DDX19B: variants seen among roughly 807,000 people sequenced by gnomAD.
DDX19B encodes the protein DEAD-box helicase 19B.
A neutral mutation model predicts 58.1 loss-of-function variants in DDX19B; 27 were observed. The ratio of observed to expected loss-of-function variants is 0.46; its 90% CI spans 0.34 to 0.64. The LOEUF (loss-of-function observed/expected upper bound fraction) is 0.64, where lower values mean the gene tolerates loss of function less well. Among genes scored for constraint, DDX19B ranks in the 30% least tolerant of loss-of-function variants. The probability of loss-of-function intolerance (pLI) is 0.01; values close to 1 mark genes in which losing one functional copy is unlikely to be tolerated. For synonymous variants in DDX19B, 187 were observed against 214.4 expected, an observed-to-expected ratio of 0.87 and a Z score of 1.12; for missense variants, 399 against 596.5, an observed-to-expected ratio of 0.67 and a Z score of 3.45.
chr16:70,317,042 T>G (rs767129917), intron 4 of DDX19B, among the ~76,000 whole-genome samples: 10 of 151,584 alleles, frequency 6.6e-5, no homozygotes, highest in Admixed American at 1.3e-4. Context: ...CCATCTCTAC[T>G]AAAAATACAA....
intron 7 of DDX19B, among the ~76,000 whole-genome samples, chr16:70,328,450 C>T (rs927343399): frequency 6.7e-6 from 1 of 149,946 alleles, no homozygotes; most frequent in Non-Finnish European, 1.5e-5. Context: ...GCAACCTCCG[C>T]CTCCTGGGTT....
intron 8 of DDX19B, 129 bp from the exon 9 acceptor site, chr16:70,329,702 C>G: frequency 7.4e-7 from 1 of 1,344,148 alleles, no homozygotes; most frequent in East Asian, 2.4e-5. Context: ...AGGCCTGCTG[C>G]TCCTCCTCCC....
At position 70,334,623 on chromosome 16, in the gene DDX19B, C is replaced by A. The variant is rs1334910633; in HGVS notation, c.*1041C>A. The stretch of plus-strand genomic sequence containing the variant: ...TATTTGACATCTTGATTATAAAGGG[C>A]TTCTGAACATCTGTGTTTACTGCCT... On this transcript the variant is annotated 3_prime_UTR_variant, in exon 12 of 12. Coordinates refer to ENST00000288071, the MANE Select transcript of DDX19B (RefSeq NM_007242.7). 6.6e-6 allele frequency: 1 copy of A among 152,154 alleles called. No homozygotes were observed. Among genetic ancestry groups the A allele is most frequent in the Non-Finnish European group, 1.5e-5 (1 of 68,040 alleles). The allele number at this position is 152,154 out of a possible 1,614,324, so 9.4% of individuals were successfully genotyped here.
chr16:70,317,774 C>CA (rs376880284), intron 5 of DDX19B, 186 bp downstream of exon 5: 31,391 of 284,050 alleles, frequency 0.11, 34 homozygotes, highest in South Asian at 0.17. Context: ...CCTGTCTCAA[C>CA]AAAAAAAAAA....
Position 70,299,345 on chromosome 16 carries a change from G to C in DDX19B, c.48G>C (p.Ala16=), listed in dbSNP as rs568610006. ...TGGCGGTGGACGAGCAGGAAGCTGC[G>C]GCTGAGTCGGTGAGTTGGCTTCAGC... is the stretch of plus-strand genomic sequence containing the variant. The part of the protein sequence containing the change: ...WALAVDEQEA[A]AESLSNLHLK... The change falls in exon 1 of 12, where the codon GCG becomes GCC. Residue 16 remains alanine, a synonymous_variant. Transcript: ENST00000288071. 1.2e-4 allele frequency: 189 copies of C among 1,608,614 alleles called. No homozygotes were observed. The highest frequency in any genetic ancestry group is 1.2e-3 in the Middle Eastern group (7 of 6,046).
chr16:70,299,303 C>A lies in DDX19B; in HGVS notation c.6C>A (p.Ala2=), dbSNP rs1285030273. Reference sequence around the variant, plus strand: ...TCCCACCCGCGCCTGGGACCATGGCCACTGACTCATGGGCCCTGGCGGTGG... The same window carrying A: ...TCCCACCCGCGCCTGGGACCATGGCAACTGACTCATGGGCCCTGGCGGTGG... The part of the protein sequence containing the change: M[A]TDSWALAVDE... The change falls in exon 1 of 12, where the codon GCC becomes GCA. Residue 2 remains alanine (A), a synonymous_variant. Transcript: ENST00000288071. 9 of 1,602,320 alleles carry A rather than the reference C, an allele frequency of 5.6e-6. No homozygotes were observed. Among genetic ancestry groups the A allele is most frequent in the Non-Finnish European group, 7.7e-6 (9 of 1,175,314 alleles).
upstream of DDX19B, among the ~76,000 whole-genome samples, chr16:70,298,675 T>C (rs2152181251): frequency 6.6e-6 from 1 of 151,972 alleles, no homozygotes; most frequent in African/African-American, 2.4e-5. Context: ...TTTAACATTC[T>C]CCTGATTCTA....
chr16:70,289,855 C>T (rs755688312), upstream of DDX19B: 2 of 399,152 alleles, frequency 5.0e-6, no homozygotes, highest in Non-Finnish European at 1.0e-5. Flanking sequence ...GAGACGGTAA[C>T]GTGTTTGGTA....
chr16:70,297,840 C>A (rs1053452632), upstream of DDX19B, among the ~76,000 whole-genome samples: 1 of 152,204 alleles, frequency 6.6e-6, no homozygotes, highest in African/African-American at 2.4e-5. Context: ...CCCACCTCAG[C>A]CTCCCAAGTA....
upstream of DDX19B, chr16:70,295,005 A>G (rs1373421421): frequency 1.1e-5 from 15 of 1,366,886 alleles, no homozygotes; most frequent in East Asian, 1.2e-4. Flanking sequence ...AGGAATAACA[A>G]TATTTCTCGA....
rs942189504 is a variant in DDX19B at position 70,317,572 on chromosome 16, C to A, written c.373C>A (p.Leu125Met). 1 of 1,612,510 alleles carries A rather than the reference C, an allele frequency of 6.2e-7. No homozygotes were observed. The change falls in exon 5 of 12, where the codon CTG becomes ATG. Residue 125 changes from leucine to methionine, a missense_variant. This residue lies in a region of DDX19B where 132 missense variants were observed against 159.4 expected (regional missense o/e 0.83). Transcript: ENST00000288071. ...CAAGATACAAGAGAACGCATTGCCA[C>A]TGATGCTTGCTGAGCCGTATGTGTC... Reference protein sequence around the residue: ...PSKIQENALPLMLAEPPQNLI... With the variant: ...PSKIQENALPMMLAEPPQNLI...
At chr16:70,291,751 C>G (rs1961066084), upstream of DDX19B, among the ~76,000 whole-genome samples, 1 of 151,696 alleles carries the variant, frequency 6.6e-6, no homozygotes, top group African/African-American at 2.4e-5. Flanking sequence ...GCGGAGCTAG[C>G]AGTGAGCCGA....
At chr16:70,315,204 G>A (rs754763954) in intron 3 of DDX19B, among the ~76,000 whole-genome samples, 8 of 146,730 alleles carry the variant, frequency 5.5e-5, no homozygotes, top group Non-Finnish European at 7.4e-5. Flanking sequence ...GTGAAAACCC[G>A]TCTCCACTAA....
chr16:70,295,630 T>G (rs1396623906), upstream of DDX19B, among the ~76,000 whole-genome samples: 2 of 152,094 alleles, frequency 1.3e-5, no homozygotes, highest in African/African-American at 2.4e-5. Context: ...CTTAGTAATT[T>G]TATTTATTAA....
Position 70,305,194 on chromosome 16 carries a change from G to C in DDX19B, c.57+5840G>C, listed in dbSNP as rs140681353. On this transcript the variant is annotated intron_variant, in intron 1 of 11. Coordinates refer to ENST00000288071, the MANE Select transcript of DDX19B (RefSeq NM_007242.7). Reference sequence around the variant, plus strand: ...TCAGCATCCTGAGAACTTTCCTCCCGGTCTGGCCAGATTTTGCAGAGAGGG... The same window carrying C: ...TCAGCATCCTGAGAACTTTCCTCCCCGTCTGGCCAGATTTTGCAGAGAGGG... 3.9e-4 allele frequency among the ~76,000 whole-genome samples: 59 copies of C among 152,204 alleles called. 1 individual carries two copies. Among genetic ancestry groups the C allele is most frequent in the South Asian group, 3.7e-3 (18 of 4,818 alleles).
intron 5 of DDX19B, among the ~76,000 whole-genome samples, chr16:70,323,526 C>T (rs201101249): frequency 1.3e-5 from 2 of 151,656 alleles, no homozygotes; most frequent in Admixed American, 6.6e-5. Context: ...TGGGTTCAAG[C>T]GATTCTCCTG....
chr16:70,317,238 G>T (rs937543047), intron 4 of DDX19B: 6 of 228,526 alleles, frequency 2.6e-5, no homozygotes, highest in African/African-American at 4.6e-5. Flanking sequence ...AAAATTAGCG[G>T]GGCATGGTGC....
At chr16:70,315,200 A>C (rs7204800) in intron 3 of DDX19B, among the ~76,000 whole-genome samples, 10,440 of 145,038 alleles carry the variant, frequency 0.072, 1,232 homozygotes, top group African/African-American at 0.25. Flanking sequence ...CACGGTGAAA[A>C]CCCGTCTCCA....
intron 1 of DDX19B, among the ~76,000 whole-genome samples, chr16:70,301,168 A>C (rs1362536784): frequency 6.6e-6 from 1 of 151,916 alleles, no homozygotes; most frequent in African/African-American, 2.4e-5. Context: ...CTGTACCCCT[A>C]CTTTTCCATC....
Sources: gnomAD v4.1 joint callset for allele counts (sites outside exome capture counted in the v4.1 genomes callset) on GRCh38, gnomAD v4.1.1 for gene constraint, gnomAD v4.1.1 regional missense constraint, MANE v1.5 for transcripts, NCBI Gene and HGNC (gene_info 2026-07-23, HGNC 2026-07-21) for gene names.